The following LNPEP variants were observed in gnomAD, a reference collection of about 807,000 sequenced individuals.
LNPEP encodes leucyl-cystinyl aminopeptidase.
A neutral mutation model predicts 120.6 loss-of-function variants in LNPEP; 64 were observed. That is an observed-to-expected ratio of 0.53 (90% CI 0.43 to 0.65). The LOEUF is 0.65. Among genes scored for constraint, LNPEP ranks in the 30% least tolerant of loss-of-function variants. The probability of loss-of-function intolerance (pLI) is 0.00; values close to 1 mark genes in which losing one functional copy is unlikely to be tolerated. For missense variants in LNPEP, 1,057 were observed against 1,200.0 expected (o/e 0.88, Z 1.76); for synonymous variants, 435 against 425.4 (o/e 1.02, Z -0.28).
At chr5:97,020,024 A>G (rs1462533159) in intron 13 of LNPEP, among the ~76,000 whole-genome samples, 1 of 152,210 alleles carries the variant, frequency 6.6e-6, no homozygotes, top group African/African-American at 2.4e-5. Flanking sequence ...CCACTTACAC[A>G]TTCCACAAGG....
At chr5:97,013,276 G>A (rs1790984485) in intron 11 of LNPEP, among the ~76,000 whole-genome samples, 1 of 152,136 alleles carries the variant, frequency 6.6e-6, no homozygotes, top group Non-Finnish European at 1.5e-5. Flanking sequence ...TTCCCTAGGA[G>A]AGGGAAGCAT....
At chr5:96,995,885 G>A (rs1790504782) in intron 6 of LNPEP, 1 of 155,218 alleles carries the variant, frequency 6.4e-6, no homozygotes, top group Admixed American at 6.5e-5. Flanking sequence ...TGCATATACT[G>A]TCTTCAATTT....
Position 97,006,073 on chromosome 5 carries a change from G to A in LNPEP, c.1786G>A (p.Val596Ile). 2 of 1,353,210 alleles carry A rather than the reference G, an allele frequency of 1.5e-6. No homozygotes were observed. The highest frequency in any genetic ancestry group is 2.7e-5 in the East Asian group (1 of 36,446). The allele number at this position is 1,353,210 out of a possible 1,614,324, so 83.8% of individuals were successfully genotyped here. ...ATATATATATATATATATTTTGTAG[G>A]TCACAAACCAAACACTAGATGTAAA... Reference protein sequence around the residue: ...SDDLWDSFNEVTNQTLDVKRM... With the variant: ...SDDLWDSFNEITNQTLDVKRM... The change falls in exon 10 of 18, where the codon GTC (valine) becomes ATC (isoleucine). Residue 596 changes from valine (V) to isoleucine (I), a missense_variant and splice_region_variant. By Grantham distance (29) the Val-to-Ile change is conservative. Transcript: ENST00000231368.
chr5:96,968,351 C>T (rs1028798267), intron 1 of LNPEP, among the ~76,000 whole-genome samples: 13 of 151,990 alleles, frequency 8.6e-5, no homozygotes, highest in Admixed American at 3.9e-4. Flanking sequence ...CTGGATAATC[C>T]CCCAAGTTGG....
chr5:96,939,046 A>G (rs1025738484), intron 1 of LNPEP, among the ~76,000 whole-genome samples: 3 of 151,990 alleles, frequency 2.0e-5, no homozygotes, highest in African/African-American at 7.2e-5. Flanking sequence ...TAGATTAAAT[A>G]ATTCTTTGAT....
chr5:96,993,134 G>T lies in LNPEP; in HGVS notation c.1251G>T (p.Leu417Phe). 6.4e-7 allele frequency: 1 copy of T among 1,573,570 alleles called. No homozygotes were observed. The highest frequency in any genetic ancestry group is 1.2e-5 in the South Asian group (1 of 85,512). Residue 417 changes from leucine to phenylalanine, a missense_variant and splice_region_variant, in exon 5 of 18, where the codon TTG becomes TTT. Transcript: ENST00000231368. ...AAATTCAGTACCCACTTAAGAAATT[G>T]GGTAAGAATCAAATAGTGTGTCTGA... Reference protein sequence around the residue: ...YFEIQYPLKKLDLVAIPDFEA... With the variant: ...YFEIQYPLKKFDLVAIPDFEA...
At chr5:96,951,954 C>A (rs1789334421) in intron 1 of LNPEP, among the ~76,000 whole-genome samples, 1 of 152,080 alleles carries the variant, frequency 6.6e-6, no homozygotes, top group Non-Finnish European at 1.5e-5. Flanking sequence ...TCTTCGAAGG[C>A]AGAGTTATGC....
chr5:97,012,867 A>AT (rs1464765744), intron 11 of LNPEP, among the ~76,000 whole-genome samples: 1 of 152,110 alleles, frequency 6.6e-6, no homozygotes, highest in African/African-American at 2.4e-5. Context: ...TTTTAACCCA[A>AT]TTATTTCTTA....
chr5:96,954,293 A>G (rs1236355062), intron 1 of LNPEP, among the ~76,000 whole-genome samples: 1 of 152,206 alleles, frequency 6.6e-6, no homozygotes. Context: ...ATGAAAGTAG[A>G]TGATATACCT....
intron 13 of LNPEP, among the ~76,000 whole-genome samples, chr5:97,018,898 G>A (rs1292317076): frequency 6.6e-6 from 1 of 152,124 alleles, no homozygotes; most frequent in Non-Finnish European, 1.5e-5. Flanking sequence ...GTGTTAAATT[G>A]TTCACATCTG....
chr5:96,952,575 G>T (rs1312273289), intron 1 of LNPEP, among the ~76,000 whole-genome samples: 1 of 152,070 alleles, frequency 6.6e-6, no homozygotes, highest in African/African-American at 2.4e-5. Context: ...GAATGTTCTG[G>T]CCAGGCATAT....
At chr5:96,988,777 G>A (rs1461209801) in intron 4 of LNPEP, among the ~76,000 whole-genome samples, 1 of 151,766 alleles carries the variant, frequency 6.6e-6, no homozygotes, top group Non-Finnish European at 1.5e-5. Context: ...TAGGTGTTTT[G>A]TTTTGTTTTT....
At chr5:96,958,657 C>T (rs1324255640) in intron 1 of LNPEP, 3 of 218,822 alleles carry the variant, frequency 1.4e-5, no homozygotes, top group Non-Finnish European at 2.3e-5. Flanking sequence ...GTTGGCAGGG[C>T]TGTGTGTTCC....
intron 1 of LNPEP, among the ~76,000 whole-genome samples, chr5:96,955,659 G>A (rs560779890): frequency 6.6e-6 from 1 of 152,312 alleles, no homozygotes; most frequent in East Asian, 1.9e-4. Flanking sequence ...GTATTCCACT[G>A]TACAGATCTA....
In LNPEP at chr5:96,936,163, C is replaced by T. The variant is rs1258633218; in HGVS notation, c.8C>T (p.Pro3Leu). ME[P>L]FTNDRLQLPR... ...AGCCGCGGCGGGGGGAAAATGGAGC[C>T]CTTCACCAATGGTGAGTGGGCTGCC... The change falls in exon 1 of 18, where the codon CCC becomes CTC. Residue 3 changes from proline to leucine, a missense_variant. Coordinates refer to ENST00000231368, the MANE Select transcript of LNPEP (RefSeq NM_005575.3). 6.7e-7 allele frequency: 1 copy of T among 1,494,106 alleles called. No homozygotes were observed. The highest frequency in any genetic ancestry group is 2.8e-5 in the East Asian group (1 of 36,152). 92.6% of individuals were successfully genotyped at this position (1,494,106 alleles called of 1,614,324 possible).
chr5:96,954,772 AT>A (rs1160402498), intron 1 of LNPEP, among the ~76,000 whole-genome samples: 280 of 27,108 alleles, frequency 0.01, 49 homozygotes, highest in South Asian at 0.031. Flanking sequence ...ATATATATAT[AT>A]TTTTTTTTTT....
intron 8 of LNPEP, among the ~76,000 whole-genome samples, chr5:97,000,122 A>G (rs191460020): frequency 1.9e-4 from 29 of 152,296 alleles, no homozygotes; most frequent in Non-Finnish European, 2.5e-4. Context: ...ATGAATGAAT[A>G]AGTAGGTATT....
chr5:97,026,356 T>C (rs1490924141), intron 15 of LNPEP, among the ~76,000 whole-genome samples: 1 of 152,194 alleles, frequency 6.6e-6, no homozygotes, highest in African/African-American at 2.4e-5. Flanking sequence ...CCAGAACTTA[T>C]TTCCTAAATG....
intron 1 of LNPEP, among the ~76,000 whole-genome samples, chr5:96,956,872 A>C (rs190921978): frequency 7.3e-4 from 111 of 152,012 alleles, no homozygotes; most frequent in Admixed American, 1.2e-3. Context: ...CATTTCTGTT[A>C]ATCTTTAAGT....
Sources: gnomAD v4.1 joint callset for allele counts (sites outside exome capture counted in the v4.1 genomes callset) on GRCh38, gnomAD v4.1.1 for gene constraint, MANE v1.5 for transcripts, NCBI Gene and HGNC (gene_info 2026-07-23, HGNC 2026-07-21) for gene names.